DHRSX: variants seen among roughly 807,000 people sequenced by gnomAD.
DHRSX encodes dehydrogenase/reductase X-linked.
A neutral mutation model predicts 34.0 loss-of-function variants in DHRSX; 31 were observed. The ratio of observed to expected loss-of-function variants is 0.91; its 90% confidence interval spans 0.69 to 1.23. The LOEUF is 1.23. DHRSX is among the 50% of genes most tolerant of loss of function. DHRSX has a pLI of 0.00. For synonymous variants in DHRSX, 201 were observed against 183.8 expected (o/e 1.09, Z -0.76); for missense variants, 414 against 428.1 (o/e 0.97, Z 0.29).
chrX:2,390,349 G>C (rs1327024915), intron 3 of DHRSX, among the ~76,000 whole-genome samples: 2 of 150,948 alleles, frequency 1.3e-5, no homozygotes, highest in African/African-American at 4.9e-5. Context: ...TGTTGGTCAG[G>C]CTCGTCTCAA....
At chrX:2,405,380 C>T (rs1320676761) in intron 3 of DHRSX, among the ~76,000 whole-genome samples, 3 of 151,748 alleles carry the variant, frequency 2.0e-5, no homozygotes, top group Non-Finnish European at 2.9e-5. Context: ...CCCAGCTACT[C>T]GGGAGGCTGA....
intron 1 of DHRSX, among the ~76,000 whole-genome samples, chrX:2,425,634 G>A (rs2043836189): frequency 6.6e-6 from 1 of 152,182 alleles, no homozygotes. Flanking sequence ...AAGAATCCTG[G>A]AATAACCTCT....
intron 4 of DHRSX, among the ~76,000 whole-genome samples, chrX:2,269,456 G>A (rs1233555132): frequency 3.9e-5 from 6 of 152,118 alleles, no homozygotes; most frequent in Non-Finnish European, 7.4e-5. Context: ...ATATGTATAC[G>A]TGTATCTGTA....
Position 2,469,331 on chromosome X carries a change from T to G in DHRSX, c.109+31486A>C, listed in dbSNP as rs186252058. Among the ~76,000 whole-genome samples, 298 of 151,000 alleles carry G rather than the reference T, an allele frequency of 2.0e-3. 2 individuals carry two copies. Among genetic ancestry groups the G allele is most frequent in the African/African-American group, 6.9e-3 (281 of 41,008 alleles). On this transcript the variant is annotated intron_variant, in intron 1 of 6. Coordinates refer to ENST00000334651, the MANE Select transcript of DHRSX (RefSeq NM_145177.3). ...GAATGTGGATAAGGGACCGCCGCCA[T>G]GTACACACTGAAGACGTTCCCTAAA...
intron 3 of DHRSX, among the ~76,000 whole-genome samples, chrX:2,331,835 A>G (rs1436400700): frequency 6.6e-6 from 1 of 151,678 alleles, no homozygotes; most frequent in Non-Finnish European, 1.5e-5. Flanking sequence ...TTCATGACAG[A>G]AAGGGTCAAC....
intron 3 of DHRSX, among the ~76,000 whole-genome samples, chrX:2,347,734 TGA>T (rs1231989381): frequency 6.6e-6 from 1 of 152,090 alleles, no homozygotes; most frequent in Non-Finnish European, 1.5e-5. Context: ...CCAAACCATA[TGA>T]GATGTAATGA....
At chrX:2,319,846 G>A (rs1233376676) in intron 3 of DHRSX, among the ~76,000 whole-genome samples, 1 of 151,716 alleles carries the variant, frequency 6.6e-6, no homozygotes, top group Non-Finnish European at 1.5e-5. Context: ...ATATTTTTTC[G>A]AGGTGGAGTT....
At chrX:2,249,513 C>CTTTTTTTTTTTTTTTTT (rs753035485) in intron 5 of DHRSX, among the ~76,000 whole-genome samples, 5 of 70,192 alleles carry the variant, frequency 7.1e-5, no homozygotes, top group African/African-American at 2.4e-4. Context: ...CTTTTTGTGC[C>CTTTTTTTTTTTTTTTTT]TTTTTTTTTT....
chrX:2,299,803 C>T (rs1201753172), intron 3 of DHRSX, among the ~76,000 whole-genome samples: 2 of 150,854 alleles, frequency 1.3e-5, no homozygotes, highest in African/African-American at 4.9e-5. Flanking sequence ...TGCAGTAAGC[C>T]GAGATCACAC....
At chrX:2,312,389 C>T (rs893193811) in intron 3 of DHRSX, among the ~76,000 whole-genome samples, 1 of 152,078 alleles carries the variant, frequency 6.6e-6, no homozygotes, top group African/African-American at 2.4e-5. Flanking sequence ...GAATACTATG[C>T]AGCCATAAAA....
At chrX:2,367,070 A>T (rs1167364888) in intron 3 of DHRSX, among the ~76,000 whole-genome samples, 2 of 152,130 alleles carry the variant, frequency 1.3e-5, no homozygotes, top group African/African-American at 4.8e-5. Flanking sequence ...CATCAGGAAG[A>T]TATAGGGCCC....
chrX:2,267,282 G>T (rs1305441973), intron 4 of DHRSX, among the ~76,000 whole-genome samples: 1 of 152,204 alleles, frequency 6.6e-6, no homozygotes, highest in Non-Finnish European at 1.5e-5. Context: ...AGAAGTTCAT[G>T]CCTGTCATCC....
At chrX:2,264,887 C>T (rs2041424746) in intron 5 of DHRSX, among the ~76,000 whole-genome samples, 1 of 151,210 alleles carries the variant, frequency 6.6e-6, no homozygotes, top group Admixed American at 6.6e-5. Context: ...ATGCCGGGCA[C>T]CAATGTGCAG....
intron 5 of DHRSX, among the ~76,000 whole-genome samples, chrX:2,258,725 C>G (rs1485040588): frequency 2.0e-5 from 3 of 152,176 alleles, no homozygotes; most frequent in Non-Finnish European, 2.9e-5. Context: ...GAGATCACTC[C>G]TAAGCTATGA....
intron 1 of DHRSX, among the ~76,000 whole-genome samples, chrX:2,481,071 C>A (rs2044762339): frequency 6.6e-6 from 1 of 152,016 alleles, no homozygotes; most frequent in African/African-American, 2.4e-5. Context: ...TGTTAATTAG[C>A]TTGATTATTG....
chrX:2,485,455 C>T (rs2044865812), intron 1 of DHRSX, among the ~76,000 whole-genome samples: 1 of 141,746 alleles, frequency 7.1e-6, no homozygotes, highest in Non-Finnish European at 1.5e-5. Context: ...TTCTTGGGGG[C>T]CATTGTTTTC....
At chrX:2,298,094 A>C (rs1432439232) in intron 3 of DHRSX, among the ~76,000 whole-genome samples, 2 of 151,908 alleles carry the variant, frequency 1.3e-5, no homozygotes, top group Non-Finnish European at 2.9e-5. Context: ...CATGCTTGAG[A>C]CAGATGAGAG....
At chrX:2,234,734 G>A (rs945393596) in intron 6 of DHRSX, among the ~76,000 whole-genome samples, 2 of 151,972 alleles carry the variant, frequency 1.3e-5, no homozygotes, top group Non-Finnish European at 2.9e-5. Flanking sequence ...TTTTTGAGAC[G>A]GAGTCTCACT....
At chrX:2,371,027 G>C (rs908688523) in intron 3 of DHRSX, among the ~76,000 whole-genome samples, 1 of 152,014 alleles carries the variant, frequency 6.6e-6, no homozygotes, top group Non-Finnish European at 1.5e-5. Flanking sequence ...GTCACTGCTC[G>C]GGTGTGCTTC....
Sources: gnomAD v4.1 joint callset for allele counts (sites outside exome capture counted in the v4.1 genomes callset) on GRCh38, gnomAD v4.1.1 for gene constraint, MANE v1.5 for transcripts, NCBI Gene and HGNC (gene_info 2026-07-23, HGNC 2026-07-21) for gene names.